The following C1orf105 variants were observed in gnomAD, a reference collection of about 807,000 sequenced individuals.
C1orf105 encodes the protein uncharacterized protein C1orf105.
A neutral mutation model predicts 20.8 loss-of-function variants in C1orf105; 17 were observed. The observed-to-expected ratio is 0.82, with a 90% CI of 0.56 to 1.23. C1orf105 has a LOEUF of 1.23. Ranked by LOEUF, C1orf105 falls within the 50% of genes most tolerant of loss-of-function variation. The pLI is 0.00. For missense variants in C1orf105, 219 were observed against 213.5 expected, an observed-to-expected ratio of 1.03 and a Z score of -0.16; for synonymous variants, 72 against 72.1, an observed-to-expected ratio of 1.00 and a Z score of 0.01.
At chr1:172,465,582 T>C (rs1409713866) in intron 6 of C1orf105, 5 of 662,404 alleles carry the variant, frequency 7.5e-6, no homozygotes, top group Non-Finnish European at 1.4e-5. Flanking sequence ...TCACTTGCCC[T>C]TATACATGTC....
intron 1 of C1orf105, chr1:172,431,054 C>A: frequency 1.5e-6 from 1 of 652,610 alleles, no homozygotes; most frequent in East Asian, 2.8e-5. Context: ...TCTTCTTGGG[C>A]CTCCCTATTT....
At chr1:172,435,127 T>A (rs910145892) in intron 1 of C1orf105, among the ~76,000 whole-genome samples, 10 of 152,020 alleles carry the variant, frequency 6.6e-5, no homozygotes, top group Non-Finnish European at 1.5e-4. Flanking sequence ...CCAAAAAAAG[T>A]CCAGGACCAG....
intron 2 of C1orf105, among the ~76,000 whole-genome samples, chr1:172,446,488 G>C (rs1307813695): frequency 6.6e-6 from 1 of 152,218 alleles, no homozygotes; most frequent in Non-Finnish European, 1.5e-5. Flanking sequence ...AGGCATGTGA[G>C]TCCAGAGGCC....
At chr1:172,455,640 C>A (rs1437576100) in intron 3 of C1orf105, among the ~76,000 whole-genome samples, 2 of 152,208 alleles carry the variant, frequency 1.3e-5, no homozygotes, top group Non-Finnish European at 2.9e-5. Flanking sequence ...GCTCCAAAGT[C>A]CTCTCTTTAA....
chr1:172,454,818 C>T lies in C1orf105; in HGVS notation c.199-1597C>T, dbSNP rs1315010141. Among the ~76,000 whole-genome samples, 3 of 152,296 alleles carry T rather than the reference C, an allele frequency of 2.0e-5. No homozygotes were observed. In the East Asian group the frequency reaches 5.8e-4, roughly 29 times the overall value. ...TATATTTCTGTTGTAGCACCTTCAA[C>T]ACCATCATACTTCTTGATGTATAGG... On this transcript the variant is annotated intron_variant, in intron 3 of 6. Coordinates refer to ENST00000367727, the MANE Select transcript of C1orf105 (RefSeq NM_139240.4).
At chr1:172,444,692 A>G (rs1306030983) in intron 1 of C1orf105, among the ~76,000 whole-genome samples, 1 of 152,180 alleles carries the variant, frequency 6.6e-6, no homozygotes, top group Non-Finnish European at 1.5e-5. Flanking sequence ...TTTACCTCCT[A>G]AAAGAAGTGA....
chr1:172,468,643 G>A lies in C1orf105; in HGVS notation c.*49G>A, dbSNP rs777381525. Reference sequence around the variant, plus strand: ...AGACTCCCAGAGAGAAAATAACCTCGCCAAGCCAATCTTTGACACTGGCAC... The same window carrying A: ...AGACTCCCAGAGAGAAAATAACCTCACCAAGCCAATCTTTGACACTGGCAC... On this transcript the variant is annotated 3_prime_UTR_variant, in exon 7 of 7. Coordinates refer to ENST00000367727, the MANE Select transcript of C1orf105 (RefSeq NM_139240.4). The A allele has an allele frequency of 2.4e-5, 37 of 1,559,716 alleles. No homozygotes were observed. The highest frequency in any genetic ancestry group is 2.7e-5 in the Non-Finnish European group (31 of 1,147,502).
At position 172,420,967 on chromosome 1, in the gene C1orf105, T is replaced by C. The variant is rs1427579425; in HGVS notation, c.21+61T>C. On this transcript the variant is annotated intron_variant, in intron 1 of 6. Transcript: ENST00000367727. ...CTTATGGGGTTACCCTGGTAAATGTTTGTATGCCTTGGAGGCCACATAAAC... is the reference window on the plus strand; with the variant it reads ...CTTATGGGGTTACCCTGGTAAATGTCTGTATGCCTTGGAGGCCACATAAAC... 5 of 1,482,978 alleles carry C rather than the reference T, an allele frequency of 3.4e-6. No homozygotes were observed. The African/African-American group carries it at 7.0e-5, about 21-fold the overall frequency. The allele number at this position is 1,482,978 out of a possible 1,614,324, so 91.9% of individuals were successfully genotyped here.
chr1:172,448,406 T>C (rs1352897688), intron 2 of C1orf105, 35 bp from the exon 3 acceptor site: 21 of 1,410,262 alleles, frequency 1.5e-5, no homozygotes, highest in Non-Finnish European at 2.0e-5. Flanking sequence ...AACATGGGAC[T>C]GCGGTTCTAA....
intron 1 of C1orf105, among the ~76,000 whole-genome samples, chr1:172,430,746 C>A (rs2071848611): frequency 6.6e-6 from 1 of 152,166 alleles, no homozygotes; most frequent in Non-Finnish European, 1.5e-5. Flanking sequence ...CAGCCAGATA[C>A]AGCATTTTTT....
In C1orf105 at chr1:172,420,809, C is replaced by G; in HGVS notation, c.-77C>G. 1 of 1,466,732 alleles carries G rather than the reference C, an allele frequency of 6.8e-7. No individual in the cohort carries two copies. The highest frequency in any genetic ancestry group is 9.5e-7 in the Non-Finnish European group (1 of 1,050,060). The allele number at this position is 1,466,732 out of a possible 1,614,324, so 90.9% of individuals were successfully genotyped here. On this transcript the variant is annotated 5_prime_UTR_variant, in exon 1 of 7. Coordinates refer to ENST00000367727, the MANE Select transcript of C1orf105 (RefSeq NM_139240.4). ...GATTCAGGTTCTCCACAGCAGTCTT[C>G]CACTGGCCACAGTGAGGGGAGCTAG...
At chr1:172,465,829 C>T (rs140150932) in intron 6 of C1orf105, 169 of 366,492 alleles carry the variant, frequency 4.6e-4, no homozygotes, top group Non-Finnish European at 7.5e-4. Flanking sequence ...CTTATCTTCA[C>T]TTGCTGTTGA....
At position 172,420,877 on chromosome 1, in the gene C1orf105, A is replaced by G; in HGVS notation, c.-9A>G. ...CTAGAAAAACTCAGAACATCTAAAG[A>G]TCTGAAAGATGGAAAAAAGAGAACT... On this transcript the variant is annotated 5_prime_UTR_variant, in exon 1 of 7. Transcript: ENST00000367727. 1.2e-6 allele frequency: 2 copies of G among 1,611,976 alleles called. No individual in the cohort carries two copies.
intron 6 of C1orf105, 42 bp downstream of exon 6, chr1:172,465,405 GA>G (rs758993765): frequency 7.3e-7 from 1 of 1,374,874 alleles, no homozygotes; most frequent in South Asian, 1.2e-5. Context: ...AAACACACTA[GA>G]AAAAAATGCC....
intron 1 of C1orf105, among the ~76,000 whole-genome samples, chr1:172,434,517 A>G (rs919481813): frequency 9.9e-5 from 15 of 152,196 alleles, no homozygotes; most frequent in Non-Finnish European, 2.1e-4. Context: ...GGTACATAAC[A>G]AAATGAAGGC....
At chr1:172,460,757 G>T (rs1219247622) in intron 4 of C1orf105, among the ~76,000 whole-genome samples, 2 of 152,126 alleles carry the variant, frequency 1.3e-5, no homozygotes, top group African/African-American at 4.8e-5. Flanking sequence ...AAATAGATCT[G>T]ATGGGGAGTG....
intron 5 of C1orf105, among the ~76,000 whole-genome samples, chr1:172,463,091 GT>G (rs974539592): frequency 6.6e-6 from 1 of 152,000 alleles, no homozygotes; most frequent in Non-Finnish European, 1.5e-5. Flanking sequence ...TTTTCAAAGA[GT>G]TTTTTTCTTC....
chr1:172,452,957 G>A (rs926636026), intron 3 of C1orf105: 70 of 1,542,718 alleles, frequency 4.5e-5, no homozygotes, highest in Non-Finnish European at 5.9e-5. Flanking sequence ...GAGTGAGAAG[G>A]GAATGCAACA....
At chr1:172,453,008 G>T in intron 3 of C1orf105, 1 of 1,550,130 alleles carries the variant, frequency 6.5e-7, no homozygotes. Flanking sequence ...GGCTGGGAAA[G>T]AAAGCAAGAC....
Sources: gnomAD v4.1 joint callset for allele counts (sites outside exome capture counted in the v4.1 genomes callset) on GRCh38, gnomAD v4.1.1 for gene constraint, MANE v1.5 for transcripts, NCBI Gene and HGNC (gene_info 2026-07-23, HGNC 2026-07-21) for gene names.